Variants in THSD7B observed in about 807,000 individuals in gnomAD.
THSD7B encodes the protein thrombospondin type-1 domain-containing protein 7B.
In THSD7B, 138 loss-of-function variants were observed where a neutral mutation model predicts 213.6. The ratio of observed to expected loss-of-function variants is 0.65; its 90% CI spans 0.56 to 0.74. The LOEUF (loss-of-function observed/expected upper bound fraction) is 0.74, where lower values mean the gene tolerates loss of function less well. THSD7B is among the 30% of genes least tolerant of loss of function. The pLI, the probability that THSD7B is intolerant of heterozygous loss-of-function variation, is 0.00. For missense variants in THSD7B, 1,931 were observed against 1,991.5 expected (o/e 0.97, Z 0.58); for synonymous variants, 742 against 687.0 (o/e 1.08, Z -1.25).
chr2:137,026,640 G>T (rs967061119), intron 2 of THSD7B, among the ~76,000 whole-genome samples: 1 of 151,986 alleles, frequency 6.6e-6, no homozygotes, highest in African/African-American at 2.4e-5. Flanking sequence ...AGTCTGCTTT[G>T]CTTCTTTGCT....
At chr2:136,988,782 A>C in intron 2 of THSD7B, among the ~76,000 whole-genome samples, 1 of 152,344 alleles carries the variant, frequency 6.6e-6, no homozygotes, top group East Asian at 1.9e-4. Flanking sequence ...GTCATTTAAA[A>C]TGTCCAAGAA....
At chr2:137,412,045 T>A in intron 14 of THSD7B, 173 bp downstream of exon 14, 1 of 764,032 alleles carries the variant, frequency 1.3e-6, no homozygotes, top group Non-Finnish European at 2.0e-6. Flanking sequence ...CATCTGTATC[T>A]CAATGATTAT....
At chr2:137,487,345 G>A (rs1444697026) in intron 15 of THSD7B, among the ~76,000 whole-genome samples, 3 of 118,918 alleles carry the variant, frequency 2.5e-5, no homozygotes, top group Admixed American at 1.0e-4. Flanking sequence ...TCCGCAGTCC[G>A]GCCTGGGCGA....
chr2:137,299,124 C>A (rs943329393), intron 12 of THSD7B, among the ~76,000 whole-genome samples: 1 of 152,144 alleles, frequency 6.6e-6, no homozygotes. Context: ...GGGAACCCAC[C>A]TTTTGCATCA....
intron 7 of THSD7B, among the ~76,000 whole-genome samples, chr2:137,171,456 A>G (rs1473320687): frequency 6.6e-6 from 1 of 152,210 alleles, no homozygotes; most frequent in African/African-American, 2.4e-5. Context: ...TTTAAATACA[A>G]GTTGTCAAGA....
chr2:137,015,831 T>C (rs1001225773), intron 2 of THSD7B, among the ~76,000 whole-genome samples: 1 of 152,136 alleles, frequency 6.6e-6, no homozygotes, highest in African/African-American at 2.4e-5. Context: ...AAGTGGACTT[T>C]GATGTCTTAT....
At chr2:136,965,676 T>G (rs1685302255) in intron 2 of THSD7B, among the ~76,000 whole-genome samples, 1 of 152,210 alleles carries the variant, frequency 6.6e-6, no homozygotes, top group Non-Finnish European at 1.5e-5. Flanking sequence ...TTAGTCTCCC[T>G]CCTACTATTT....
At chr2:137,602,469 C>T (rs577248144) in intron 17 of THSD7B, among the ~76,000 whole-genome samples, 2 of 152,132 alleles carry the variant, frequency 1.3e-5, no homozygotes, top group Admixed American at 6.5e-5. Context: ...GGGGTTTCAC[C>T]ATGCTGGCCA....
intron 2 of THSD7B, among the ~76,000 whole-genome samples, chr2:137,033,388 C>A (rs1343618366): frequency 2.0e-5 from 3 of 152,134 alleles, no homozygotes; most frequent in Non-Finnish European, 4.4e-5. Flanking sequence ...ACACAGTGAG[C>A]AGAAGTGCAC....
chr2:137,670,915 C>A (rs575937773), intron 27 of THSD7B, among the ~76,000 whole-genome samples: 8 of 105,934 alleles, frequency 7.6e-5, no homozygotes, highest in Non-Finnish European at 1.4e-4. Flanking sequence ...AGTGAGACTC[C>A]GCCTCAAAAA....
intron 3 of THSD7B, among the ~76,000 whole-genome samples, chr2:137,087,546 T>G (rs1366757424): frequency 6.6e-6 from 1 of 152,138 alleles, no homozygotes; most frequent in Non-Finnish European, 1.5e-5. Flanking sequence ...ACTGAACTCC[T>G]TTTACAATAG....
intron 17 of THSD7B, among the ~76,000 whole-genome samples, chr2:137,594,068 G>A (rs1681913922): frequency 6.6e-6 from 1 of 151,998 alleles, no homozygotes; most frequent in Admixed American, 6.6e-5. Flanking sequence ...AAGGTATAGA[G>A]GGGAAGCAGA....
chr2:136,886,393 G>A (rs964103783), intron 2 of THSD7B, among the ~76,000 whole-genome samples: 1 of 152,098 alleles, frequency 6.6e-6, no homozygotes, highest in African/African-American at 2.4e-5. Context: ...GAAGAGCCAT[G>A]GTGATAGCTT....
At chr2:137,046,757 TAAAAGACAGTCC>T (rs1333041420) in intron 2 of THSD7B, among the ~76,000 whole-genome samples, 5 of 140,616 alleles carry the variant, frequency 3.6e-5, no homozygotes, top group African/African-American at 1.3e-4. Flanking sequence ...AAAAAAAAAT[TAAAAGACAGTCC>T]ATATGGCCGC....
At position 137,160,247 on chromosome 2, in the gene THSD7B, AC is replaced by A. The variant is rs1367243117; in HGVS notation, c.1407del (p.Ala470ProfsTer17). The part of the protein sequence containing the change: ...RPVEKALCVG[P>X]APLPSQLCNI... ...CTGTGGAAAAGGCATTATGTGTGGG[AC>A]CCGCCCCGTTGCCCTCTCAGCTCTG... On this transcript the variant is annotated frameshift_variant, in exon 6 of 28. Transcript: ENST00000409968. LOFTEE classifies it high-confidence loss of function. 6.2e-7 allele frequency: 1 copy of A among 1,613,204 alleles called. No individual in the cohort carries two copies. The highest frequency in any genetic ancestry group is 8.5e-7 in the Non-Finnish European group (1 of 1,179,612).
intron 4 of THSD7B, among the ~76,000 whole-genome samples, chr2:137,095,485 A>G (rs1688023638): frequency 6.6e-6 from 1 of 152,204 alleles, no homozygotes; most frequent in African/African-American, 2.4e-5. Context: ...CTGAGAGGCC[A>G]TTCATGGCAT....
chr2:136,902,065 A>G (rs543309), intron 2 of THSD7B, among the ~76,000 whole-genome samples: 65,320 of 152,086 alleles, frequency 0.43, 15,627 homozygotes, highest in Non-Finnish European at 0.55. Context: ...CAGAAGTAGT[A>G]CATTTCCCTG....
chr2:136,856,809 C>T (rs1245781070), intron 1 of THSD7B, among the ~76,000 whole-genome samples: 1 of 152,198 alleles, frequency 6.6e-6, no homozygotes, highest in Non-Finnish European at 1.5e-5. Flanking sequence ...AGCCACCACA[C>T]CCAGCCATGA....
chr2:137,393,040 C>A (rs1176054000), intron 12 of THSD7B, among the ~76,000 whole-genome samples: 1 of 151,648 alleles, frequency 6.6e-6, no homozygotes, highest in Non-Finnish European at 1.5e-5. Context: ...CTGACAGTAA[C>A]GAGTTTCCTC....
Sources: allele counts gnomAD v4.1 joint callset (sites outside exome capture counted in the v4.1 genomes callset), GRCh38; gene constraint gnomAD v4.1.1; transcripts MANE v1.5; gene names NCBI Gene and HGNC (gene_info 2026-07-23, HGNC 2026-07-21).